The following NALF1 variants were observed in gnomAD, a reference collection of about 807,000 sequenced individuals.
The protein encoded by NALF1 is family with sequence similarity 155 member A.
NALF1 carries 3 observed loss-of-function variants against 48.4 expected under a neutral mutation model. The ratio of observed to expected loss-of-function variants is 0.06; its 90% confidence interval spans 0.03 to 0.16. The LOEUF is 0.16. Ranked by LOEUF, NALF1 falls within the 10% of genes least tolerant of loss-of-function variation. NALF1 has a pLI of 1.00. For synonymous variants in NALF1, 262 were observed against 245.7 expected (o/e 1.07, Z -0.62); for missense variants, 526 against 571.5 (o/e 0.92, Z 0.81).
chr13:107,295,373 C>T (rs1190790975), intron 1 of NALF1, among the ~76,000 whole-genome samples: 1 of 152,154 alleles, frequency 6.6e-6, no homozygotes, highest in East Asian at 1.9e-4. Context: ...AATACATTTG[C>T]TTTATCTAAT....
chr13:107,541,805 C>T (rs561908910), intron 1 of NALF1, among the ~76,000 whole-genome samples: 36 of 152,220 alleles, frequency 2.4e-4, no homozygotes, highest in Admixed American at 2.1e-3. Flanking sequence ...AACCTCTATT[C>T]CTCAATGATG....
At chr13:107,319,268 G>A (rs368988191) in intron 1 of NALF1, among the ~76,000 whole-genome samples, 4 of 152,098 alleles carry the variant, frequency 2.6e-5, no homozygotes, top group African/African-American at 7.2e-5. Flanking sequence ...ACTGGTGAAC[G>A]TGGGACAGAA....
rs568688945 is a variant in NALF1 at position 107,845,056 on chromosome 13, G to A, written c.915+20626C>T. 1.1e-4 allele frequency among the ~76,000 whole-genome samples: 17 copies of A among 152,212 alleles called. No homozygotes were observed. The South Asian group carries it at 1.4e-3, about 13-fold the overall frequency. ...ACATTAATTCTAAGTCAGCAATTAC[G>A]CATAGGAAAAAGGCACACTATACAC... On this transcript the variant is annotated intron_variant, in intron 1 of 2. Transcript: ENST00000375915.
chr13:107,292,997 T>TC (rs71121519), intron 1 of NALF1, among the ~76,000 whole-genome samples: 54 of 138,786 alleles, frequency 3.9e-4, no homozygotes, highest in Non-Finnish European at 6.9e-4. Flanking sequence ...TTTTTCTTTT[T>TC]TTTTTTTTTT....
At chr13:107,825,435 G>A (rs1879486955) in intron 1 of NALF1, among the ~76,000 whole-genome samples, 1 of 152,008 alleles carries the variant, frequency 6.6e-6, no homozygotes, top group Non-Finnish European at 1.5e-5. Context: ...TTTAAAGAAC[G>A]GATGCATAAT....
intron 1 of NALF1, among the ~76,000 whole-genome samples, chr13:107,629,622 A>G (rs980356858): frequency 1.3e-5 from 2 of 151,976 alleles, no homozygotes; most frequent in Non-Finnish European, 2.9e-5. Flanking sequence ...CTCTCTTCTC[A>G]CTTTTTATCT....
At chr13:107,503,107 T>C (rs1875573635) in intron 1 of NALF1, among the ~76,000 whole-genome samples, 2 of 152,172 alleles carry the variant, frequency 1.3e-5, no homozygotes, top group Non-Finnish European at 2.9e-5. Context: ...AGGCAAGCCA[T>C]CTCCAGGCTT....
chr13:107,249,847 A>G (rs1020191219), intron 1 of NALF1, among the ~76,000 whole-genome samples: 1 of 152,128 alleles, frequency 6.6e-6, no homozygotes, highest in African/African-American at 2.4e-5. Context: ...TATGTTGACT[A>G]TCAATTAATC....
chr13:107,259,693 G>T (rs1281091895), intron 1 of NALF1, among the ~76,000 whole-genome samples: 1 of 152,194 alleles, frequency 6.6e-6, no homozygotes, highest in South Asian at 2.1e-4. Flanking sequence ...GGTTTCCAAT[G>T]TTTTTATTAA....
At chr13:107,551,464 T>G (rs529614800) in intron 1 of NALF1, among the ~76,000 whole-genome samples, 1 of 152,288 alleles carries the variant, frequency 6.6e-6, no homozygotes, top group Admixed American at 6.5e-5. Context: ...CAGAAATGAA[T>G]GAGATACAAT....
chr13:107,615,087 C>T (rs533355471), intron 1 of NALF1, among the ~76,000 whole-genome samples: 1 of 152,284 alleles, frequency 6.6e-6, no homozygotes, highest in African/African-American at 2.4e-5. Context: ...CATCCTGCAT[C>T]TCTTTGTTTC....
chr13:107,736,478 C>A (rs893050429), intron 1 of NALF1, among the ~76,000 whole-genome samples: 1 of 152,144 alleles, frequency 6.6e-6, no homozygotes, highest in African/African-American at 2.4e-5. Context: ...ATAAGCAGCA[C>A]ACGTACTCAT....
At chr13:107,849,400 T>G (rs1033611490) in intron 1 of NALF1, among the ~76,000 whole-genome samples, 3 of 152,218 alleles carry the variant, frequency 2.0e-5, no homozygotes, top group African/African-American at 7.2e-5. Flanking sequence ...TTGGGAAGAT[T>G]TGAAGCGGTC....
rs143189423 is a variant in NALF1, at chr13:107,463,360, C to T, written c.916-252605G>A. Reference sequence around the variant, plus strand: ...GTGTTTCTACACAATTCTATGGGCCCAGAGGGCATTATTCTATGTAACCTG... The same window carrying T: ...GTGTTTCTACACAATTCTATGGGCCTAGAGGGCATTATTCTATGTAACCTG... On this transcript the variant is annotated intron_variant, in intron 1 of 2. Coordinates refer to ENST00000375915, the MANE Select transcript of NALF1 (RefSeq NM_001080396.3). Among the ~76,000 whole-genome samples the T allele has an allele frequency of 1.9e-4, 29 of 152,214 alleles. No homozygotes were observed. The East Asian group carries it at 5.0e-3, about 26-fold the overall frequency.
At chr13:107,724,927 G>A (rs902088687) in intron 1 of NALF1, among the ~76,000 whole-genome samples, 4 of 152,050 alleles carry the variant, frequency 2.6e-5, no homozygotes, top group African/African-American at 9.7e-5. Flanking sequence ...TACAAACAAT[G>A]AATATAACTC....
intron 1 of NALF1, among the ~76,000 whole-genome samples, chr13:107,291,307 G>C (rs1881616090): frequency 6.6e-6 from 1 of 151,816 alleles, no homozygotes; most frequent in Non-Finnish European, 1.5e-5. Context: ...CATAGGTTGA[G>C]CATCCCTAAT....
At chr13:107,724,457 G>A (rs1057099316) in intron 1 of NALF1, among the ~76,000 whole-genome samples, 2 of 151,980 alleles carry the variant, frequency 1.3e-5, no homozygotes, top group Non-Finnish European at 2.9e-5. Flanking sequence ...GTTCATTTAC[G>A]AAATGATTTT....
chr13:107,509,419 G>T (rs1017814256), intron 1 of NALF1, among the ~76,000 whole-genome samples: 1 of 152,088 alleles, frequency 6.6e-6, no homozygotes, highest in African/African-American at 2.4e-5. Context: ...TCACAACAAT[G>T]ATTTTTGTAG....
intron 1 of NALF1, among the ~76,000 whole-genome samples, chr13:107,698,247 T>C (rs1239517666): frequency 6.6e-6 from 1 of 152,194 alleles, no homozygotes; most frequent in East Asian, 1.9e-4. Context: ...TCTTTGGGCA[T>C]ATGTAGTTCC....
Sources: allele counts gnomAD v4.1 joint callset (sites outside exome capture counted in the v4.1 genomes callset), GRCh38; gene constraint gnomAD v4.1.1; transcripts MANE v1.5; gene names NCBI Gene and HGNC (gene_info 2026-07-23, HGNC 2026-07-21).